The following LAYN variants were observed in gnomAD, a reference collection of about 807,000 sequenced individuals.
The protein encoded by LAYN is layilin.
Under a neutral mutation model 43.6 loss-of-function variants are expected in LAYN, and 38 were observed. The ratio of observed to expected loss-of-function variants is 0.87; its 90% CI spans 0.67 to 1.14. The LOEUF is 1.14. LAYN is among the 50% of genes most tolerant of loss of function. LAYN has a pLI of 0.00. For missense variants in LAYN, 479 were observed against 463.8 expected (o/e 1.03, Z -0.30); for synonymous variants, 168 against 172.9 (o/e 0.97, Z 0.22).
chr11:111,558,783 A>ATATATATAT (rs1555018587), intron 6 of LAYN, among the ~76,000 whole-genome samples: 2 of 143,134 alleles, frequency 1.4e-5, no homozygotes, highest in African/African-American at 5.3e-5. Flanking sequence ...TATTTAAAAA[A>ATATATATAT]ATATATATAT....
In LAYN at chr11:111,549,747, G is replaced by A; in HGVS notation, c.513G>A (p.Lys171=). The A allele has an allele frequency of 6.2e-7, 1 of 1,604,234 alleles. No individual in the cohort carries two copies. The highest frequency in any genetic ancestry group is 8.5e-7 in the Non-Finnish European group (1 of 1,176,476). ...FQWNDDRCNM[K]NNFICKYSDE... ...GGAATGATGACCGGTGCAACATGAAGAACAATTTCATTTGCAAATATTCTG... is the reference window on the plus strand; with the variant it reads ...GGAATGATGACCGGTGCAACATGAAAAACAATTTCATTTGCAAATATTCTG... The change falls in exon 3 of 7, where the codon AAG becomes AAA. Residue 171 remains lysine, a synonymous_variant. Transcript: ENST00000375614.
At chr11:111,548,537 A>G (rs1198993119) in intron 2 of LAYN, among the ~76,000 whole-genome samples, 1 of 152,202 alleles carries the variant, frequency 6.6e-6, no homozygotes, top group Non-Finnish European at 1.5e-5. Flanking sequence ...CAGTCATAGT[A>G]TCCAAGGAGT....
chr11:111,558,218 TTA>T (rs1001510336), intron 6 of LAYN, among the ~76,000 whole-genome samples: 3 of 152,186 alleles, frequency 2.0e-5, no homozygotes, highest in African/African-American at 7.2e-5. Context: ...TTATTTTATT[TTA>T]TTTTTAGTAC....
At chr11:111,554,498 G>T in intron 3 of LAYN, 63 bp from the exon 4 acceptor site, 5 of 1,270,832 alleles carry the variant, frequency 3.9e-6, no homozygotes, top group South Asian at 3.6e-5. Context: ...GGCTGTGGTT[G>T]ATTTCATTCA....
rs914601686 is a variant in LAYN at position 111,541,678 on chromosome 11, C to T, written c.85+750C>T. On this transcript the variant is annotated intron_variant, in intron 1 of 6. Transcript: ENST00000375614. ...TTTCTCAGATCCTTTTTGCGGGTGC[C>T]AACAGCTTGACCAAACGGGACAGAG... The T allele has an allele frequency of 6.7e-6, 8 of 1,194,126 alleles. No individual in the cohort carries two copies. In the Admixed American group the frequency reaches 9.9e-5, roughly 15 times the overall value. 74.0% of individuals were successfully genotyped at this position (1,194,126 alleles called of 1,614,324 possible).
rs1244184900 is a variant in LAYN at position 111,555,278 on chromosome 11, A to G, written c.646A>G (p.Lys216Glu). The change falls in exon 5 of 7, where the codon AAA (lysine) becomes GAA (glutamate). Residue 216 changes from lysine (K) to glutamate (E), a missense_variant. Lys to Glu is a moderately conservative substitution (Grantham distance 56). Coordinates refer to ENST00000375614, the MANE Select transcript of LAYN (RefSeq NM_178834.5). ...GGAAGAAGATGCCAAAAAAACATTT[A>G]AAGAAAGTAGAGGTATCTACAAAAC... ...TQEEDAKKTF[K>E]ESREAALNLA... The G allele has an allele frequency of 1.2e-6, 2 of 1,612,518 alleles. No homozygotes were observed. The highest frequency in any genetic ancestry group is 1.7e-6 in the Non-Finnish European group (2 of 1,178,592).
chr11:111,554,687 C>A, intron 4 of LAYN, 94 bp downstream of exon 4: 1 of 1,121,872 alleles, frequency 8.9e-7, no homozygotes, highest in South Asian at 1.3e-5. Context: ...CTGGATTATT[C>A]AACAGAAAAA....
chr11:111,545,235 G>A (rs1867630019), intron 2 of LAYN, among the ~76,000 whole-genome samples: 1 of 152,018 alleles, frequency 6.6e-6, no homozygotes, highest in Non-Finnish European at 1.5e-5. Flanking sequence ...GGGTTAGTAG[G>A]ATGAACTACA....
At chr11:111,549,101 G>A (rs1357653935) in intron 2 of LAYN, among the ~76,000 whole-genome samples, 1 of 152,192 alleles carries the variant, frequency 6.6e-6, no homozygotes, top group Admixed American at 6.5e-5. Context: ...CCTTTCACCT[G>A]TTTTGACAGC....
chr11:111,543,801 C>T, intron 1 of LAYN, 122 bp from the exon 2 acceptor site: 1 of 759,786 alleles, frequency 1.3e-6, no homozygotes, highest in Non-Finnish European at 2.1e-6. Flanking sequence ...GACATGATAA[C>T]AGTCTACTGA....
intron 5 of LAYN, among the ~76,000 whole-genome samples, chr11:111,555,564 G>A (rs2039697545): frequency 6.6e-6 from 1 of 152,320 alleles, no homozygotes; most frequent in Middle Eastern, 3.4e-3. Context: ...GTCATGTGGG[G>A]TAAGGTGGAG....
chr11:111,551,732 C>T (rs1867746864), intron 3 of LAYN, among the ~76,000 whole-genome samples: 3 of 152,178 alleles, frequency 2.0e-5, no homozygotes, highest in African/African-American at 7.2e-5. Flanking sequence ...TCTCTCCTAA[C>T]AGCTAAGTGC....
At chr11:111,549,573 G>A in intron 2 of LAYN, 45 bp from the exon 3 acceptor site, 1 of 1,463,308 alleles carries the variant, frequency 6.8e-7, no homozygotes, top group Non-Finnish European at 9.1e-7. Flanking sequence ...GAAGTCTCAG[G>A]GGATCCTTCT....
At chr11:111,541,413 C>T (rs947790820) in intron 1 of LAYN, 4 of 717,296 alleles carry the variant, frequency 5.6e-6, no homozygotes, top group African/African-American at 1.7e-5. Context: ...TGTTACTCCT[C>T]GTCTCTTCTG....
intron 6 of LAYN, among the ~76,000 whole-genome samples, chr11:111,559,877 C>A (rs1036089122): frequency 6.6e-6 from 1 of 152,264 alleles, no homozygotes; most frequent in South Asian, 2.1e-4. Context: ...CCTGCCCACA[C>A]TTGGGCAGCA....
chr11:111,558,296 T>A (rs1867880851), intron 6 of LAYN, among the ~76,000 whole-genome samples: 1 of 152,142 alleles, frequency 6.6e-6, no homozygotes, highest in Non-Finnish European at 1.5e-5. Context: ...ATGTCTAGTA[T>A]TCCCATTTAC....
chr11:111,541,321 C>T, intron 1 of LAYN: 1 of 606,108 alleles, frequency 1.6e-6, no homozygotes, highest in Non-Finnish European at 2.9e-6. Context: ...CAGCTGGCCC[C>T]CGCCTACCGC....
At chr11:111,545,553 C>T (rs79857207) in intron 2 of LAYN, among the ~76,000 whole-genome samples, 1,537 of 152,288 alleles carry the variant, frequency 0.01, 24 homozygotes, top group African/African-American at 0.035. Context: ...GGGCCACTTT[C>T]CTCCTGCCAA....
chr11:111,550,714 T>C (rs1867727458), intron 3 of LAYN, among the ~76,000 whole-genome samples: 1 of 152,174 alleles, frequency 6.6e-6, no homozygotes, highest in Non-Finnish European at 1.5e-5. Flanking sequence ...GGCGGGGAGA[T>C]TGCAAAGACC....
Sources: gnomAD v4.1 joint callset for allele counts (sites outside exome capture counted in the v4.1 genomes callset) on GRCh38, gnomAD v4.1.1 for gene constraint, MANE v1.5 for transcripts, NCBI Gene and HGNC (gene_info 2026-07-23, HGNC 2026-07-21) for gene names.